Variants in KANK1 observed in about 807,000 individuals in gnomAD.
The protein encoded by KANK1 is KN motif and ankyrin repeat domains 1.
Under a neutral mutation model 106.2 loss-of-function variants are expected in KANK1, and 109 were observed. The ratio of observed to expected loss-of-function variants is 1.03; its 90% CI spans 0.88 to 1.20. The LOEUF (loss-of-function observed/expected upper bound fraction) is 1.20. Among genes scored for constraint, KANK1 ranks in the 50% most tolerant of loss-of-function variants. KANK1 has a pLI of 0.00. For missense variants in KANK1, 2,399 were observed against 1,710.7 expected (o/e 1.40, Z -7.10); for synonymous variants, 873 against 652.2 (o/e 1.34, Z -5.16).
intron 1 of KANK1, among the ~76,000 whole-genome samples, chr9:667,435 C>T (rs1055343205): frequency 6.6e-6 from 1 of 151,280 alleles, no homozygotes; most frequent in Non-Finnish European, 1.5e-5. Context: ...TTATTATTTC[C>T]TTTCTCCTAG....
chr9:552,870 C>T (rs981729023), intron 1 of KANK1, among the ~76,000 whole-genome samples: 14 of 152,148 alleles, frequency 9.2e-5, no homozygotes, highest in East Asian at 1.9e-4. Flanking sequence ...TGTGGCTGGC[C>T]GCAGTGGCTC....
intron 3 of KANK1, among the ~76,000 whole-genome samples, chr9:721,540 G>A (rs1378012317): frequency 6.6e-6 from 1 of 152,122 alleles, no homozygotes; most frequent in East Asian, 1.9e-4. Flanking sequence ...ATTGGTCTTT[G>A]GTAGAAATAG....
rs538691116 is a variant in KANK1, at chr9:494,437, G to C, written c.-362+21164G>C. On this transcript the variant is annotated intron_variant, in intron 3 of 15. Coordinates refer to the KANK1 transcript ENST00000382303. Reference sequence around the variant, plus strand: ...GTATAGAATTCTCCCCTGTTACTGTGTAACCACGCTACCTCCAATAGTCCC... The same window carrying C: ...GTATAGAATTCTCCCCTGTTACTGTCTAACCACGCTACCTCCAATAGTCCC... Among the ~76,000 whole-genome samples the C allele has an allele frequency of 2.0e-5, 3 of 152,268 alleles. No individual in the cohort carries two copies. The South Asian group carries it at 6.2e-4, about 32-fold the overall frequency.
At chr9:545,815 G>A (rs1051778472) in intron 1 of KANK1, among the ~76,000 whole-genome samples, 9 of 147,714 alleles carry the variant, frequency 6.1e-5, no homozygotes, top group Non-Finnish European at 8.9e-5. Context: ...ACTCGATCTC[G>A]GCTCACTGCA....
At chr9:641,808 G>T (rs913291501) in intron 1 of KANK1, among the ~76,000 whole-genome samples, 1 of 152,074 alleles carries the variant, frequency 6.6e-6, no homozygotes, top group Non-Finnish European at 1.5e-5. Context: ...GGTTTTTTAA[G>T]GACTACTTTA....
intron 1 of KANK1, among the ~76,000 whole-genome samples, chr9:638,374 T>C (rs1180589301): frequency 2.0e-5 from 3 of 152,234 alleles, no homozygotes; most frequent in African/African-American, 7.2e-5. Context: ...TTGCTTTCTC[T>C]TCCTACATGG....
chr9:647,257 T>C (rs913993126), intron 1 of KANK1, among the ~76,000 whole-genome samples: 1 of 132,956 alleles, frequency 7.5e-6, no homozygotes, highest in Non-Finnish European at 1.5e-5. Flanking sequence ...TGATTATTTC[T>C]GTTCTCATTA....
At chr9:584,674 A>T (rs1261383866) in intron 1 of KANK1, among the ~76,000 whole-genome samples, 1 of 152,180 alleles carries the variant, frequency 6.6e-6, no homozygotes, top group African/African-American at 2.4e-5. Context: ...TTTGTTAGGG[A>T]ACCAAAACCA....
intron 2 of KANK1, among the ~76,000 whole-genome samples, chr9:686,301 C>T (rs16922547): frequency 0.032 from 4,843 of 152,246 alleles, 235 homozygotes; most frequent in East Asian, 0.21. Context: ...GGACGCACCA[C>T]GAATATGTTT....
At chr9:554,376 T>C (rs1293092021) in intron 1 of KANK1, among the ~76,000 whole-genome samples, 1 of 152,190 alleles carries the variant, frequency 6.6e-6, no homozygotes, top group Non-Finnish European at 1.5e-5. Flanking sequence ...CTCTCCCTTT[T>C]TGTTCTATTC....
rs114855392 is a variant in KANK1 at position 557,263 on chromosome 9, T to A, written c.-84+52509T>A. Among the ~76,000 whole-genome samples the A allele has an allele frequency of 4.9e-3, 750 of 152,258 alleles. 4 individuals carry two copies. Among genetic ancestry groups the A allele is most frequent in the African/African-American group, 0.018 (730 of 41,564 alleles). On this transcript the variant is annotated intron_variant, in intron 1 of 11. Transcript: ENST00000382297. ...TGTTCTTATAAGTGAAAAGATATAT[T>A]GTTTTGGTTTTGCTTTAAGATTCCA...
intron 1 of KANK1, among the ~76,000 whole-genome samples, chr9:508,379 C>T (rs1436305175): frequency 1.3e-5 from 2 of 152,072 alleles, no homozygotes; most frequent in East Asian, 1.9e-4. Flanking sequence ...TCAGGTGATC[C>T]GCCTGCCTTG....
intron 1 of KANK1, among the ~76,000 whole-genome samples, chr9:568,709 T>C (rs1168613403): frequency 6.6e-6 from 1 of 152,152 alleles, no homozygotes; most frequent in Non-Finnish European, 1.5e-5. Flanking sequence ...CCCAGGCTGA[T>C]CTCGAACTCC....
At chr9:552,623 A>G (rs962326046) in intron 1 of KANK1, among the ~76,000 whole-genome samples, 29 of 152,348 alleles carry the variant, frequency 1.9e-4, no homozygotes, top group South Asian at 4.1e-4. Context: ...CTTCTGCTTC[A>G]GCCCTGCCAA....
intron 3 of KANK1, among the ~76,000 whole-genome samples, chr9:492,611 ATTAT>A (rs1261089975): frequency 1.3e-5 from 2 of 149,360 alleles, no homozygotes; most frequent in African/African-American, 2.6e-5. Context: ...AGTAAATATC[ATTAT>A]TTATTATTAT....
In KANK1 at chr9:740,794, G is replaced by A. The variant is rs1464731568; in HGVS notation, c.3556G>A (p.Val1186Met). The A allele has an allele frequency of 3.2e-6, 5 of 1,580,098 alleles. No individual in the cohort carries two copies. Among genetic ancestry groups the A allele is most frequent in the East Asian group, 4.5e-5 (2 of 44,410 alleles). The change falls in exon 9 of 12, where the codon GTG (valine) becomes ATG (methionine). Residue 1186 changes from valine (V) to methionine (M), a missense_variant and splice_region_variant. Transcript: ENST00000382297. Reference sequence around the variant, plus strand: ...CTTTTTTTTTTTTTTTTTTACAGATGTGTGTAATGTGGATCACCAGAACAA... The same window carrying A: ...CTTTTTTTTTTTTTTTTTTACAGATATGTGTAATGTGGATCACCAGAACAA... ...EIVKLLLDAD[V>M]CNVDHQNKAG...
chr9:716,953 A>C (rs566595483), intron 3 of KANK1, among the ~76,000 whole-genome samples: 69 of 147,914 alleles, frequency 4.7e-4, no homozygotes, highest in African/African-American at 1.5e-3. Context: ...ACTACACTCC[A>C]GCCTGGGTGA....
intron 1 of KANK1, among the ~76,000 whole-genome samples, chr9:604,306 A>T (rs1828534824): frequency 6.6e-6 from 1 of 151,528 alleles, no homozygotes; most frequent in South Asian, 2.1e-4. Flanking sequence ...CCCTACCCAA[A>T]TCTCATCTCA....
chr9:680,381 C>CT (rs149213737), intron 2 of KANK1, among the ~76,000 whole-genome samples: 1 of 152,004 alleles, frequency 6.6e-6, no homozygotes, highest in African/African-American at 2.4e-5. Flanking sequence ...CTGACTTCCC[C>CT]TTGGAGTCCC....
Sources: gnomAD v4.1 joint callset for allele counts (sites outside exome capture counted in the v4.1 genomes callset) on GRCh38, gnomAD v4.1.1 for gene constraint, MANE v1.5 for transcripts, NCBI Gene and HGNC (gene_info 2026-07-23, HGNC 2026-07-21) for gene names.